Variants in GABRR2 observed in about 807,000 individuals in gnomAD.
GABRR2 encodes gamma-aminobutyric acid receptor subunit rho-2.
A neutral mutation model predicts 47.0 loss-of-function variants in GABRR2; 36 were observed. That is an observed-to-expected ratio of 0.77 (90% CI 0.59 to 1.01). GABRR2 has a LOEUF of 1.01. Ranked by LOEUF, GABRR2 falls within the 50% of genes least tolerant of loss-of-function variation. GABRR2 has a pLI of 0.00. For synonymous variants in GABRR2, 204 were observed against 227.5 expected (o/e 0.90, Z 0.93); for missense variants, 587 against 594.6 (o/e 0.99, Z 0.13).
chr6:89,263,130 A>AG (rs1773788891), intron 8 of GABRR2, among the ~76,000 whole-genome samples: 2 of 152,196 alleles, frequency 1.3e-5, no homozygotes, highest in South Asian at 4.1e-4. Flanking sequence ...CGGAGACAGT[A>AG]GGACCAAACC....
intron 2 of GABRR2, among the ~76,000 whole-genome samples, chr6:89,279,687 A>G (rs1774224156): frequency 7.3e-6 from 1 of 137,098 alleles, no homozygotes; most frequent in Admixed American, 7.5e-5. Context: ...AAAGTTAAAA[A>G]AAAAAAAAAC....
intron 2 of GABRR2, 76 bp from the exon 3 acceptor site, chr6:89,271,798 C>A (rs539554043): frequency 1.6e-5 from 20 of 1,282,994 alleles, no homozygotes; most frequent in Non-Finnish European, 2.2e-5. Flanking sequence ...CAGTTGGCTT[C>A]CCCCGGGGAG....
At position 89,299,810 on chromosome 6, in the gene GABRR2, G is replaced by T. The variant is rs763142024; in HGVS notation, c.169C>A (p.Gln57Lys). 1 of 1,613,966 alleles carries T rather than the reference G, an allele frequency of 6.2e-7. No individual in the cohort carries two copies. Among genetic ancestry groups the T allele is most frequent in the African/African-American group, 1.3e-5 (1 of 75,048 alleles). The change falls in exon 2 of 9, where the codon CAG becomes AAG. Residue 57 changes from glutamine (Q) to lysine (K), a missense_variant. Physicochemically the swap from Gln to Lys is moderately conservative, Grantham distance 53 (BLOSUM62 1). Coordinates refer to ENST00000402938, the MANE Select transcript of GABRR2 (RefSeq NM_002043.5). The part of the protein sequence containing the change: ...VTKIRKGKPQ[Q>K]LLRVDEHDFS... ...TCGTGCTCGTCCACTCTGAGAAGCT[G>T]CTGAGGCTTTCCCTTCCGGATCTTG...
At chr6:89,278,562 G>A (rs774787177) in intron 2 of GABRR2, among the ~76,000 whole-genome samples, 23 of 152,214 alleles carry the variant, frequency 1.5e-4, no homozygotes, top group Non-Finnish European at 2.5e-4. Flanking sequence ...TAGGCAAACC[G>A]ACTAGGGTCT....
intron 1 of GABRR2, among the ~76,000 whole-genome samples, chr6:89,306,667 C>T (rs191356010): frequency 1.8e-4 from 28 of 152,302 alleles, no homozygotes; most frequent in African/African-American, 6.7e-4. Context: ...GAGTGATTCT[C>T]TCTTCTTTCT....
chr6:89,258,403 A>C (rs962074742), intron 8 of GABRR2, among the ~76,000 whole-genome samples: 2 of 152,136 alleles, frequency 1.3e-5, no homozygotes, highest in African/African-American at 4.8e-5. Flanking sequence ...CTTTCTGTGC[A>C]TGAATCAAAA....
chr6:89,301,738 C>A, intron 1 of GABRR2: 1 of 664,502 alleles, frequency 1.5e-6, no homozygotes, highest in South Asian at 1.5e-5. Flanking sequence ...AGCAGCCAGC[C>A]CAGCCCGCCT....
At chr6:89,301,454 GA>G (rs1332477046) in intron 1 of GABRR2, among the ~76,000 whole-genome samples, 1 of 152,136 alleles carries the variant, frequency 6.6e-6, no homozygotes, top group African/African-American at 2.4e-5. Context: ...CAGATGATGT[GA>G]TTCTGTATCT....
At chr6:89,301,822 A>C in intron 1 of GABRR2, 1 of 979,994 alleles carries the variant, frequency 1.0e-6, no homozygotes, top group Non-Finnish European at 1.6e-6. Flanking sequence ...CCAGTGCGGC[A>C]ACTAGATCGG....
Position 89,304,201 on chromosome 6 carries a change from A to G in GABRR2, c.114-4336T>C, listed in dbSNP as rs143636620. On this transcript the variant is annotated intron_variant, in intron 1 of 8. Transcript: ENST00000402938. ...GGGAGAAAATATTTGCAAGCTATGC[A>G]TCTGACAAAGATCTAATATCCAGCA... Among the ~76,000 whole-genome samples, 132 of 152,390 alleles carry G rather than the reference A, an allele frequency of 8.7e-4. 1 individual carries two copies. The highest frequency in any genetic ancestry group is 3.1e-3 in the African/African-American group (127 of 41,600).
At chr6:89,290,624 G>A (rs557211408) in intron 2 of GABRR2, among the ~76,000 whole-genome samples, 20 of 152,334 alleles carry the variant, frequency 1.3e-4, no homozygotes, top group African/African-American at 4.8e-4. Flanking sequence ...GCCCGAGCAG[G>A]GCCCCTCTTG....
intron 2 of GABRR2, among the ~76,000 whole-genome samples, chr6:89,295,128 T>A (rs1774532953): frequency 6.6e-6 from 1 of 152,172 alleles, no homozygotes; most frequent in African/African-American, 2.4e-5. Context: ...TATAGCAGCA[T>A]GATTTATAAT....
chr6:89,297,421 C>T (rs1312965967), intron 2 of GABRR2, among the ~76,000 whole-genome samples: 1 of 152,194 alleles, frequency 6.6e-6, no homozygotes, highest in Non-Finnish European at 1.5e-5. Flanking sequence ...TTTACTTCAC[C>T]TCTCTGTGCC....
At chr6:89,275,754 G>A (rs1241547539) in intron 2 of GABRR2, among the ~76,000 whole-genome samples, 1 of 152,174 alleles carries the variant, frequency 6.6e-6, no homozygotes, top group African/African-American at 2.4e-5. Flanking sequence ...GGGGCTGTGG[G>A]ACAGGATTAG....
In GABRR2 at chr6:89,257,707, A is replaced by G. The variant is rs778622585; in HGVS notation, c.1361T>C (p.Ile454Thr). 11 of 1,613,704 alleles carry G rather than the reference A, an allele frequency of 6.8e-6. No individual in the cohort carries two copies. The East Asian group carries it at 2.5e-4, about 36-fold the overall frequency. The change falls in exon 9 of 9, where the codon ATA becomes ACA. Residue 454 changes from isoleucine to threonine, a missense_variant. Coordinates refer to ENST00000402938, the MANE Select transcript of GABRR2 (RefSeq NM_002043.5). Reference sequence around the variant, plus strand: ...TGACCAATAAATTAAGTTGAAAAATATGTAGGAGGCAGGGAATATCAACCT... The same window carrying G: ...TGACCAATAAATTAAGTTGAAAAATGTGTAGGAGGCAGGGAATATCAACCT... ...YSRLIFPASYIFFNLIYWSVF... is the reference protein window; with the variant it reads ...YSRLIFPASYTFFNLIYWSVF...
At chr6:89,308,456 T>G (rs980318046) in intron 1 of GABRR2, among the ~76,000 whole-genome samples, 1 of 152,200 alleles carries the variant, frequency 6.6e-6, no homozygotes, top group South Asian at 2.1e-4. Context: ...ATCTTTCCAT[T>G]ACCTCAGTGG....
chr6:89,296,230 A>G (rs1448498330), intron 2 of GABRR2, among the ~76,000 whole-genome samples: 1 of 152,236 alleles, frequency 6.6e-6, no homozygotes, highest in African/African-American at 2.4e-5. Flanking sequence ...GCCATCTTCA[A>G]ATGCTCCCAT....
At chr6:89,300,587 CTG>C (rs1457878703) in intron 1 of GABRR2, among the ~76,000 whole-genome samples, 1 of 152,064 alleles carries the variant, frequency 6.6e-6, no homozygotes, top group Non-Finnish European at 1.5e-5. Flanking sequence ...ATGAACAACT[CTG>C]TGTACACAAA....
In GABRR2 at chr6:89,266,905, CAAA is replaced by C; in HGVS notation, c.736+771_736+773del. 2.0e-3 allele frequency among the ~76,000 whole-genome samples: 306 copies of C among 150,712 alleles called. 3 individuals are homozygous for C. Among genetic ancestry groups the C allele is most frequent in the African/African-American group, 7.3e-3 (295 of 40,166 alleles). On this transcript the variant is annotated intron_variant, in intron 6 of 8. Coordinates refer to ENST00000402938, the MANE Select transcript of GABRR2 (RefSeq NM_002043.5). ...GCACAATCATAGCTCACTGCAGCCTCAAACTCCTGTGCTCAAGCAATCCTCCCT... is the reference window on the plus strand; with the variant it reads ...GCACAATCATAGCTCACTGCAGCCTCCTCCTGTGCTCAAGCAATCCTCCCT...
Sources: allele counts gnomAD v4.1 joint callset (sites outside exome capture counted in the v4.1 genomes callset), GRCh38; gene constraint gnomAD v4.1.1; transcripts MANE v1.5; gene names NCBI Gene and HGNC (gene_info 2026-07-23, HGNC 2026-07-21).